The following PCDHA2 variants were observed in gnomAD, a reference collection of about 807,000 sequenced individuals.
PCDHA2 encodes protocadherin alpha 2, also known as protocadherin alpha-2.
PCDHA2 carries 58 observed loss-of-function variants against 66.0 expected under a neutral mutation model. The ratio of observed to expected loss-of-function variants is 0.88; its 90% CI spans 0.71 to 1.09. The LOEUF (loss-of-function observed/expected upper bound fraction) is 1.09, where lower values mean the gene tolerates loss of function less well. Among genes scored for constraint, PCDHA2 ranks in the 50% least tolerant of loss-of-function variants. The pLI, the probability that PCDHA2 is intolerant of heterozygous loss-of-function variation, is 0.00. For synonymous variants in PCDHA2, 634 were observed against 554.0 expected, an observed-to-expected ratio of 1.14 and a Z score of -2.03; for missense variants, 1,267 against 1,242.3, an observed-to-expected ratio of 1.02 and a Z score of -0.30.
At position 140,842,972 on chromosome 5, in the gene PCDHA2, C is replaced by G; in HGVS notation, c.2388+45620C>G. 1.9e-6 allele frequency: 3 copies of G among 1,595,038 alleles called. 1 individual carries two copies. The highest frequency in any genetic ancestry group is 2.6e-6 in the Non-Finnish European group (3 of 1,165,520). On this transcript the variant is annotated intron_variant, in intron 1 of 3. Transcript: ENST00000526136. The stretch of plus-strand genomic sequence containing the variant: ...GCCGCCTCTGGGCAGCAACGTGACG[C>G]TGCAGGTGTTCGTGCTGGACGAGAA...
At chr5:140,857,806 G>A (rs1554150689) in intron 1 of PCDHA2, 2 of 1,597,702 alleles carry the variant, frequency 1.3e-6, no homozygotes, top group African/African-American at 1.3e-5. Flanking sequence ...CGGTGGTTGC[G>A]GGTCACGTGG....
rs1290626143 is a variant in PCDHA2 at position 141,010,228 on chromosome 5, C to G, written c.*291C>G. On this transcript the variant is annotated 3_prime_UTR_variant, in exon 4 of 4. Transcript: ENST00000526136. ...CCGCAAAGGAGAGGCTTCCCAGCCC[C>G]GCCAGTGAGAGGTTGGACTCTCTGC... The G allele has an allele frequency of 1.1e-5, 17 of 1,551,916 alleles. No individual in the cohort carries two copies. Among genetic ancestry groups the G allele is most frequent in the Non-Finnish European group, 1.5e-5 (17 of 1,147,054 alleles).
chr5:140,796,572 C>T lies in PCDHA2; in HGVS notation c.1608C>T (p.Ser536=), dbSNP rs573477679. Residue 536 remains serine (S), a synonymous_variant, in exon 1 of 4, where the codon AGC becomes AGT. Coordinates refer to ENST00000526136, the MANE Select transcript of PCDHA2 (RefSeq NM_018905.3). Reference sequence around the variant, plus strand: ...TGGAGCTGCTGCAGTTCCAGGTGAGCGCGCGGGATGCGGGCGTGCCGCCTC... The same window carrying T: ...TGGAGCTGCTGCAGTTCCAGGTGAGTGCGCGGGATGCGGGCGTGCCGCCTC... ...EEVELLQFQV[S]ARDAGVPPLG... The T allele has an allele frequency of 1.9e-6, 3 of 1,613,296 alleles. No individual in the cohort carries two copies. The highest frequency in any genetic ancestry group is 1.1e-5 in the South Asian group (1 of 91,052).
intron 1 of PCDHA2, chr5:140,862,620 G>A (rs2047455093): frequency 1.9e-6 from 1 of 528,384 alleles, no homozygotes. Context: ...GTAACAACCC[G>A]CGGGGCTGCC....
intron 1 of PCDHA2, among the ~76,000 whole-genome samples, chr5:140,975,395 C>T (rs2096665697): frequency 6.6e-6 from 1 of 152,246 alleles, no homozygotes; most frequent in Admixed American, 6.5e-5. Flanking sequence ...AGATCCATCA[C>T]AATCACAGTC....
chr5:141,002,336 C>A (rs1236741058), intron 3 of PCDHA2, among the ~76,000 whole-genome samples: 3 of 152,084 alleles, frequency 2.0e-5, no homozygotes, highest in Non-Finnish European at 2.9e-5. Flanking sequence ...TGCATCCGCA[C>A]CCCTTCCCCC....
Position 140,796,594 on chromosome 5 carries a change from C to G in PCDHA2, c.1630C>G (p.Pro544Ala). The change falls in exon 1 of 4, where the codon CCT (proline) becomes GCT (alanine). Residue 544 changes from proline (P) to alanine (A), a missense_variant. By Grantham distance (27) the Pro-to-Ala change is conservative (BLOSUM62 -1). Transcript: ENST00000526136. ...QVSARDAGVP[P>A]LGSNVTLQVF... is the part of the protein sequence containing the mutation. ...GAGCGCGCGGGATGCGGGCGTGCCG[C>G]CTCTGGGCAGCAACGTGACGCTGCA... 1 of 1,612,524 alleles carries G rather than the reference C, an allele frequency of 6.2e-7. No homozygotes were observed. Among genetic ancestry groups the G allele is most frequent in the Non-Finnish European group, 8.5e-7 (1 of 1,179,598 alleles).
chr5:140,931,864 T>G (rs1554208617), intron 1 of PCDHA2, among the ~76,000 whole-genome samples: 1 of 151,976 alleles, frequency 6.6e-6, no homozygotes, highest in African/African-American at 2.4e-5. Flanking sequence ...ATTCTAGAAA[T>G]AAAATATTTA....
intron 1 of PCDHA2, among the ~76,000 whole-genome samples, chr5:140,799,975 T>C (rs1762494421): frequency 6.6e-6 from 1 of 152,156 alleles, no homozygotes; most frequent in South Asian, 2.1e-4. Context: ...GTGTTAAATA[T>C]GTTGAGTAAA....
At chr5:140,821,803 G>A (rs2150110763) in intron 1 of PCDHA2, 1 of 1,613,140 alleles carries the variant, frequency 6.2e-7, no homozygotes, top group African/African-American at 1.3e-5. Flanking sequence ...AGGAAGTCTG[G>A]GATCCCGGCT....
At chr5:140,828,585 A>G in intron 1 of PCDHA2, 1 of 1,614,250 alleles carries the variant, frequency 6.2e-7, no homozygotes, top group South Asian at 1.1e-5. Context: ...GTTGGCTCAA[A>G]TTCCATCTTA....
chr5:140,926,881 C>G, intron 1 of PCDHA2: 1 of 1,541,960 alleles, frequency 6.5e-7, no homozygotes, highest in Non-Finnish European at 8.8e-7. Context: ...AACGTGGACG[C>G]CTAGAGGGAG....
chr5:140,832,834 T>C (rs1009712923), intron 1 of PCDHA2, among the ~76,000 whole-genome samples: 2 of 152,174 alleles, frequency 1.3e-5, no homozygotes, highest in African/African-American at 4.8e-5. Flanking sequence ...CTTTTTCCCT[T>C]GTTGAAGGAG....
chr5:140,860,664 A>T (rs1400061239), intron 1 of PCDHA2: 2 of 152,252 alleles, frequency 1.3e-5, no homozygotes, highest in Non-Finnish European at 2.9e-5. Context: ...AATAATATGA[A>T]ATCAAATGCA....
intron 1 of PCDHA2, chr5:140,812,700 C>T (rs2126641059): frequency 2.0e-5 from 3 of 152,208 alleles, no homozygotes; most frequent in Non-Finnish European, 2.9e-5. Flanking sequence ...TGCAAGTGAT[C>T]CTTGTGCCTT....
chr5:140,807,020 A>G, intron 1 of PCDHA2: 1 of 810,584 alleles, frequency 1.2e-6, no homozygotes, highest in Non-Finnish European at 1.9e-6. Flanking sequence ...AATACATGAG[A>G]GAAGGAGGAA....
intron 1 of PCDHA2, chr5:140,854,437 A>G (rs551404343): frequency 6.6e-6 from 1 of 150,916 alleles, no homozygotes; most frequent in African/African-American, 2.4e-5. Context: ...AATTTGAATG[A>G]ATTTTGATGC....
At position 140,928,406 on chromosome 5, in the gene PCDHA2, G is replaced by T. The variant is rs782285182; in HGVS notation, c.2389-50543G>T. On this transcript the variant is annotated intron_variant, in intron 1 of 3. Coordinates refer to ENST00000526136, the MANE Select transcript of PCDHA2 (RefSeq NM_018905.3). ...TTGCTGGCAGTGGAATCATCCAGTG[G>T]GGCCATCACTGCCAAAACTTCCTTT... 3 of 1,614,050 alleles carry T rather than the reference G, an allele frequency of 1.9e-6. No individual in the cohort carries two copies. The Admixed American group carries it at 5.0e-5, about 27-fold the overall frequency.
intron 1 of PCDHA2, chr5:140,877,946 C>T (rs996993086): frequency 3.2e-5 from 43 of 1,349,440 alleles, no homozygotes; most frequent in Non-Finnish European, 4.0e-5. Context: ...TTTAAACTAT[C>T]GAATGTCTCA....
Sources: gnomAD v4.1 joint callset for allele counts (sites outside exome capture counted in the v4.1 genomes callset) on GRCh38, gnomAD v4.1.1 for gene constraint, MANE v1.5 for transcripts, NCBI Gene and HGNC (gene_info 2026-07-23, HGNC 2026-07-21) for gene names.